LTBP2: variants seen among roughly 807,000 people sequenced by gnomAD.
LTBP2 encodes the protein latent-transforming growth factor beta-binding protein 2.
In LTBP2, 103 loss-of-function variants were observed where a neutral mutation model predicts 210.6. That is an observed-to-expected ratio of 0.49 (90% CI 0.42 to 0.58). The LOEUF (loss-of-function observed/expected upper bound fraction) is 0.58, where lower values mean the gene tolerates loss of function less well. Ranked by LOEUF, LTBP2 falls within the 20% of genes least tolerant of loss-of-function variation. The probability of loss-of-function intolerance (pLI) is 0.00; values close to 1 mark genes in which losing one functional copy is unlikely to be tolerated. For missense variants in LTBP2, 2,313 were observed against 2,494.5 expected, an observed-to-expected ratio of 0.93 and a Z score of 1.55; for synonymous variants, 1,007 against 1,015.0, an observed-to-expected ratio of 0.99 and a Z score of 0.15.
Position 74,570,047 on chromosome 14 carries a change from A to G in LTBP2, c.831-14354T>C, listed in dbSNP as rs146284051. 1.9e-4 allele frequency among the ~76,000 whole-genome samples: 29 copies of G among 152,312 alleles called. No homozygotes were observed. In the East Asian group the frequency reaches 5.6e-3, roughly 29 times the overall value. The stretch of plus-strand genomic sequence containing the variant: ...GGAGAGCTGCAGCCATGAAAAGGGA[A>G]TGAAAATGCAAGGCAGGGCCTAGGG... On this transcript the variant is annotated intron_variant, in intron 3 of 35. Coordinates refer to ENST00000261978, the MANE Select transcript of LTBP2 (RefSeq NM_000428.3).
At chr14:74,564,568 T>C (rs1336427814) in intron 3 of LTBP2, among the ~76,000 whole-genome samples, 1 of 148,684 alleles carries the variant, frequency 6.7e-6, no homozygotes, top group Non-Finnish European at 1.5e-5. Flanking sequence ...CTAATTTTTT[T>C]TTGTTTTTGT....
At chr14:74,508,769 G>GTGCC (rs1221633931) in intron 23 of LTBP2, 40 bp from the exon 24 acceptor site, 1 of 1,613,386 alleles carries the variant, frequency 6.2e-7, no homozygotes, top group Non-Finnish European at 8.5e-7. Flanking sequence ...TGCTGGGGAT[G>GTGCC]TGCCTGCCTC....
Position 74,500,874 on chromosome 14 carries a change from C to T in LTBP2, c.*10G>A, listed in dbSNP as rs201969110. On this transcript the variant is annotated 3_prime_UTR_variant, in exon 36 of 36. Coordinates refer to ENST00000261978, the MANE Select transcript of LTBP2 (RefSeq NM_000428.3). Reference sequence around the variant, plus strand: ...CATTTCCAGGTAGTTGCCACACTGACCCCTGACTGCTACTCCTTGGCAGTG... The same window carrying T: ...CATTTCCAGGTAGTTGCCACACTGATCCCTGACTGCTACTCCTTGGCAGTG... 4.9e-5 allele frequency: 79 copies of T among 1,613,234 alleles called. No individual in the cohort carries two copies. The African/African-American group carries it at 9.6e-4, about 20-fold the overall frequency.
intron 3 of LTBP2, among the ~76,000 whole-genome samples, chr14:74,565,067 G>A (rs1409846211): frequency 6.6e-6 from 1 of 152,164 alleles, no homozygotes; most frequent in African/African-American, 2.4e-5. Flanking sequence ...AGTGTCCTGA[G>A]ATTTTGAAGC....
At chr14:74,571,273 G>A (rs1424652558) in intron 3 of LTBP2, among the ~76,000 whole-genome samples, 2 of 152,202 alleles carry the variant, frequency 1.3e-5, no homozygotes, top group Non-Finnish European at 1.5e-5. Context: ...GACAGAGGTT[G>A]CAGTGAGCCG....
At chr14:74,596,584 G>A (rs1020271768) in intron 2 of LTBP2, among the ~76,000 whole-genome samples, 7 of 152,234 alleles carry the variant, frequency 4.6e-5, no homozygotes, top group Non-Finnish European at 7.3e-5. Context: ...TGTTGAGGGC[G>A]GCAGGGAGAG....
chr14:74,567,353 G>A (rs1400639083), intron 3 of LTBP2, among the ~76,000 whole-genome samples: 1 of 152,158 alleles, frequency 6.6e-6, no homozygotes, highest in Non-Finnish European at 1.5e-5. Context: ...CTGGCCCCTC[G>A]AGATCCTGCG....
chr14:74,596,058 T>G (rs138332704), intron 2 of LTBP2, among the ~76,000 whole-genome samples: 1 of 151,942 alleles, frequency 6.6e-6, no homozygotes, highest in East Asian at 1.9e-4. Flanking sequence ...TCAAAACGTC[T>G]CTATAAAAAT....
chr14:74,507,046 G>T, intron 26 of LTBP2, 133 bp downstream of exon 26: 1 of 1,560,432 alleles, frequency 6.4e-7, no homozygotes, highest in South Asian at 1.1e-5. Flanking sequence ...CATAAGCTCT[G>T]CTGGATGGAA....
chr14:74,546,318 T>G (rs1387422176), intron 8 of LTBP2, among the ~76,000 whole-genome samples: 1 of 152,162 alleles, frequency 6.6e-6, no homozygotes, highest in African/African-American at 2.4e-5. Flanking sequence ...CAGCTTGTCT[T>G]TTCTTCCTCT....
chr14:74,585,919 G>A lies in LTBP2; in HGVS notation c.765C>T (p.Gly255=). 6.2e-7 allele frequency: 1 copy of A among 1,613,330 alleles called. No homozygotes were observed. The highest frequency in any genetic ancestry group is 8.5e-7 in the Non-Finnish European group (1 of 1,179,896). The change falls in exon 3 of 36, where the codon GGC becomes GGT. Residue 255 remains glycine, a synonymous_variant. Transcript: ENST00000261978. ...CTGGCGGCTGTGCTCTGGCCAAGGT[G>A]CCCTCTCCAGCCGCACTGCTCCTGC... The part of the protein sequence containing the change: ...NLRRSSAAGE[G]TLARAQPPAP...
intron 3 of LTBP2, among the ~76,000 whole-genome samples, chr14:74,564,936 C>T (rs951801062): frequency 8.5e-5 from 13 of 152,086 alleles, no homozygotes; most frequent in African/African-American, 2.9e-4. Context: ...GTTTCTTTAT[C>T]GCCATTTTAC....
chr14:74,547,526 G>C (rs2087593144), intron 8 of LTBP2, among the ~76,000 whole-genome samples: 1 of 152,080 alleles, frequency 6.6e-6, no homozygotes, highest in Admixed American at 6.6e-5. Flanking sequence ...GTTGGCAGCT[G>C]AGCCCACTCT....
In LTBP2 at chr14:74,597,219, G is replaced by A. The variant is rs374651093; in HGVS notation, c.565+6416C>T. 2.2e-4 allele frequency among the ~76,000 whole-genome samples: 34 copies of A among 152,244 alleles called. 1 individual carries two copies. The East Asian group carries it at 2.9e-3, about 13-fold the overall frequency. ...GGCACATCCAGGCAGAGTGAGCCCCGGGCATTACTGTTAGTATTGCATGTC... is the reference window on the plus strand; with the variant it reads ...GGCACATCCAGGCAGAGTGAGCCCCAGGCATTACTGTTAGTATTGCATGTC... On this transcript the variant is annotated intron_variant, in intron 2 of 35. Coordinates refer to ENST00000261978, the MANE Select transcript of LTBP2 (RefSeq NM_000428.3).
chr14:74,572,120 G>T (rs977331529), intron 3 of LTBP2, among the ~76,000 whole-genome samples: 24 of 152,192 alleles, frequency 1.6e-4, no homozygotes, highest in Non-Finnish European at 5.9e-5. Context: ...TCTGCAGACA[G>T]ATAGACACAG....
chr14:74,511,307 G>C lies in LTBP2; in HGVS notation c.2966C>G (p.Pro989Arg), dbSNP rs76172717. The C allele has an allele frequency of 3.3e-3, 5,403 of 1,614,156 alleles. 88 individuals carry two copies. The highest frequency in any genetic ancestry group is 0.029 in the South Asian group (2,645 of 91,084). Residue 989 changes from proline to arginine, a missense_variant, in exon 19 of 36, where the codon CCT (proline) becomes CGT (arginine). Physicochemically the swap from Pro to Arg is moderately radical, Grantham distance 103. Transcript: ENST00000261978. ...TCPDGRCVNS[P>R]GSYTCLACEE... ...ACAGGCCAGACAAGTGTAGGAGCCA[G>C]GGGAATTGACGCATCTCCCATCAGG...
intron 8 of LTBP2, among the ~76,000 whole-genome samples, chr14:74,539,709 C>T (rs375939180): frequency 6.6e-6 from 1 of 151,792 alleles, no homozygotes; most frequent in African/African-American, 2.4e-5. Context: ...GAGACGGAGA[C>T]TGAGAGGGAG....
Position 74,502,799 on chromosome 14 carries a change from G to A in LTBP2, c.5024C>T (p.Pro1675Leu). Residue 1675 changes from proline to leucine, a missense_variant, in exon 34 of 36, where the codon CCC becomes CTC. Pro to Leu is a moderately conservative substitution (Grantham distance 98). This residue lies in a region of LTBP2 where 443 missense variants were observed against 501.4 expected (regional missense o/e 0.88). Transcript: ENST00000261978. ...HYSIYGPDGA[P>L]FYNYLGPEDT... ...CTCGGGGCCCAGGTAGTTGTAGAAG[G>A]GGGCCCCATCTGGGCCATAGATGCT... 6.2e-7 allele frequency: 1 copy of A among 1,614,180 alleles called. No homozygotes were observed. Among genetic ancestry groups the A allele is most frequent in the Non-Finnish European group, 8.5e-7 (1 of 1,179,994 alleles).
At chr14:74,573,988 C>T (rs973544720) in intron 3 of LTBP2, among the ~76,000 whole-genome samples, 1 of 152,148 alleles carries the variant, frequency 6.6e-6, no homozygotes, top group Non-Finnish European at 1.5e-5. Context: ...GTGGCCCATG[C>T]TCTTAGCCAC....
Sources: gnomAD v4.1 joint callset for allele counts (sites outside exome capture counted in the v4.1 genomes callset) on GRCh38, gnomAD v4.1.1 for gene constraint, gnomAD v4.1.1 regional missense constraint, MANE v1.5 for transcripts, NCBI Gene and HGNC (gene_info 2026-07-23, HGNC 2026-07-21) for gene names.